Variants in SND1 observed in about 807,000 individuals in gnomAD.
The protein encoded by SND1 is staphylococcal nuclease and tudor domain containing 1.
A neutral mutation model predicts 121.7 loss-of-function variants in SND1; 38 were observed. The ratio of observed to expected loss-of-function variants is 0.31; its 90% CI spans 0.24 to 0.41. The LOEUF (loss-of-function observed/expected upper bound fraction) is 0.41, where lower values mean the gene tolerates loss of function less well. SND1 is among the 10% of genes least tolerant of loss of function. The pLI, the probability that SND1 is intolerant of heterozygous loss-of-function variation, is 1.00. For missense variants in SND1, 868 were observed against 1,184.6 expected, an observed-to-expected ratio of 0.73 and a Z score of 3.92; for synonymous variants, 401 against 447.4, an observed-to-expected ratio of 0.90 and a Z score of 1.31.
chr7:128,090,086 C>CA (rs908250798), intron 22 of SND1, among the ~76,000 whole-genome samples: 19 of 152,162 alleles, frequency 1.2e-4, no homozygotes, highest in African/African-American at 4.6e-4. Context: ...CACCCCGAGC[C>CA]AGAGCTGTCG....
At chr7:128,040,340 G>A (rs924700037) in intron 16 of SND1, among the ~76,000 whole-genome samples, 2 of 151,152 alleles carry the variant, frequency 1.3e-5, no homozygotes, top group African/African-American at 4.9e-5. Flanking sequence ...GGCCAAGGTG[G>A]GGGAATTGCT....
intron 11 of SND1, among the ~76,000 whole-genome samples, chr7:127,842,575 G>A (rs927785801): frequency 6.6e-6 from 1 of 152,150 alleles, no homozygotes; most frequent in Admixed American, 6.6e-5. Flanking sequence ...AAGTATGTTG[G>A]TGTTGGGCTT....
At chr7:127,848,288 C>G (rs927564864) in intron 12 of SND1, among the ~76,000 whole-genome samples, 4 of 152,144 alleles carry the variant, frequency 2.6e-5, no homozygotes, top group African/African-American at 9.7e-5. Context: ...GCTTGTATTT[C>G]AATGATATTT....
intron 16 of SND1, among the ~76,000 whole-genome samples, chr7:128,011,099 G>A (rs1016434743): frequency 6.6e-6 from 1 of 151,562 alleles, no homozygotes; most frequent in Admixed American, 6.6e-5. Context: ...GGCGCACACT[G>A]TCCCCCCCAC....
chr7:128,090,259 G>A (rs1341263809), intron 22 of SND1, among the ~76,000 whole-genome samples: 2 of 152,190 alleles, frequency 1.3e-5, no homozygotes, highest in African/African-American at 4.8e-5. Flanking sequence ...TAGCTGCCTT[G>A]CCACTTCTCA....
rs1447679663 is a variant in SND1, at chr7:128,089,350, GGCCAAC to G, written c.2419-138_2419-133del. 1.9e-5 allele frequency: 15 copies of G among 787,230 alleles called. 1 individual carries two copies. In the South Asian group the frequency reaches 1.9e-4, roughly 10 times the overall value. 48.8% of individuals were successfully genotyped at this position (787,230 alleles called of 1,614,324 possible). ...ATTACAGGCATGAGCCACCGTGCCT[GGCCAAC>G]CTCACTAGGGTTCTCTGGGGAGAAA... On this transcript the variant is annotated intron_variant, in intron 21 of 23. Coordinates refer to ENST00000354725, the MANE Select transcript of SND1 (RefSeq NM_014390.4).
intron 16 of SND1, among the ~76,000 whole-genome samples, chr7:128,023,350 T>G (rs1237820763): frequency 7.9e-5 from 12 of 152,182 alleles, no homozygotes. Flanking sequence ...ATTTCATCAC[T>G]GACCTGAGTA....
At chr7:127,845,928 A>G (rs538343488) in intron 12 of SND1, among the ~76,000 whole-genome samples, 1 of 152,328 alleles carries the variant, frequency 6.6e-6, no homozygotes, top group East Asian at 1.9e-4. Flanking sequence ...ATAATTTAAA[A>G]TACTTTACAG....
chr7:127,792,549 A>T (rs964435613), intron 10 of SND1, among the ~76,000 whole-genome samples: 1 of 152,236 alleles, frequency 6.6e-6, no homozygotes, highest in Non-Finnish European at 1.5e-5. Context: ...TAATAACTAC[A>T]TGATGCAGCT....
Position 127,817,882 on chromosome 7 carries a change from A to G in SND1, c.1242+10309A>G, listed in dbSNP as rs976969249. Reference sequence around the variant, plus strand: ...GTCTGACCTTCCTCCCCACCCCTATAGGGCAAAGAGCCTCTCTTGTCTTTT... The same window carrying G: ...GTCTGACCTTCCTCCCCACCCCTATGGGGCAAAGAGCCTCTCTTGTCTTTT... On this transcript the variant is annotated intron_variant, in intron 11 of 23. Transcript: ENST00000354725. Among the ~76,000 whole-genome samples, 13 of 151,802 alleles carry G rather than the reference A, an allele frequency of 8.6e-5. No individual in the cohort carries two copies. In the South Asian group the frequency reaches 1.5e-3, roughly 17 times the overall value.
intron 10 of SND1, among the ~76,000 whole-genome samples, chr7:127,802,134 C>T (rs761908625): frequency 6.6e-6 from 1 of 152,020 alleles, no homozygotes; most frequent in African/African-American, 2.4e-5. Flanking sequence ...CGTGAACCAC[C>T]GCGCCCAGCT....
intron 10 of SND1, among the ~76,000 whole-genome samples, chr7:127,733,067 TC>T (rs994914417): frequency 2.0e-5 from 3 of 152,312 alleles, no homozygotes; most frequent in Admixed American, 2.0e-4. Flanking sequence ...ATTCCCTTTT[TC>T]ACATCCATCT....
At chr7:127,695,450 A>G (rs1457160965) in intron 3 of SND1, among the ~76,000 whole-genome samples, 1 of 152,140 alleles carries the variant, frequency 6.6e-6, no homozygotes, top group Non-Finnish European at 1.5e-5. Context: ...GTAGGTTAGA[A>G]TTCTGATTTC....
chr7:127,763,363 T>C (rs1797339591), intron 10 of SND1, among the ~76,000 whole-genome samples: 1 of 152,164 alleles, frequency 6.6e-6, no homozygotes, highest in Non-Finnish European at 1.5e-5. Flanking sequence ...TTAATTTTTT[T>C]TGAGACAGAG....
At chr7:127,787,421 A>C (rs1484705350) in intron 10 of SND1, among the ~76,000 whole-genome samples, 1 of 152,018 alleles carries the variant, frequency 6.6e-6, no homozygotes, top group African/African-American at 2.4e-5. Flanking sequence ...TTTCATTGTA[A>C]AGTCAAGGTC....
At chr7:127,969,287 C>T (rs766866196) in intron 15 of SND1, among the ~76,000 whole-genome samples, 3 of 152,138 alleles carry the variant, frequency 2.0e-5, no homozygotes, top group Non-Finnish European at 4.4e-5. Context: ...CCAAGCAGAA[C>T]CAGCTAGCCC....
intron 1 of SND1, chr7:127,679,072 T>C (rs757207428): frequency 5.3e-5 from 8 of 152,268 alleles, no homozygotes; most frequent in Non-Finnish European, 1.0e-4. Flanking sequence ...TCAATGACTT[T>C]CCTGGTTCTC....
intron 16 of SND1, chr7:127,998,592 T>A (rs151163124): frequency 0.013 from 1,998 of 153,610 alleles, 28 homozygotes; most frequent in South Asian, 0.046. Context: ...TGTTCCTGAA[T>A]ACCAGGTTGT....
chr7:127,811,952 G>T (rs1584590876), intron 11 of SND1, among the ~76,000 whole-genome samples: 1 of 152,122 alleles, frequency 6.6e-6, no homozygotes. Context: ...CAAGGGTTAG[G>T]ACTGCTGTTT....
Sources: allele counts gnomAD v4.1 joint callset (sites outside exome capture counted in the v4.1 genomes callset), GRCh38; gene constraint gnomAD v4.1.1; transcripts MANE v1.5; gene names NCBI Gene and HGNC (gene_info 2026-07-23, HGNC 2026-07-21).